SLAMF6: variants seen among roughly 807,000 people sequenced by gnomAD.
The protein encoded by SLAMF6 is NK-T-B-antigen.
In SLAMF6, 21 loss-of-function variants were observed where a neutral mutation model predicts 38.3. That is an observed-to-expected ratio of 0.55 (90% CI 0.39 to 0.79). The LOEUF (loss-of-function observed/expected upper bound fraction) is 0.79. Ranked by LOEUF, SLAMF6 falls within the 30% of genes least tolerant of loss-of-function variation. SLAMF6 has a pLI of 0.00. For missense variants in SLAMF6, 341 were observed against 385.3 expected (o/e 0.89, Z 0.96); for synonymous variants, 152 against 146.3 (o/e 1.04, Z -0.28).
intron 1 of SLAMF6, among the ~76,000 whole-genome samples, chr1:160,515,754 C>A (rs1336745536): frequency 1.3e-5 from 2 of 152,132 alleles, no homozygotes; most frequent in Non-Finnish European, 2.9e-5. Context: ...AAGACAAAAA[C>A]CACAGATTAT....
At chr1:160,505,969 CAGAAA>C (rs1226077010) in intron 1 of SLAMF6, among the ~76,000 whole-genome samples, 2 of 151,858 alleles carry the variant, frequency 1.3e-5, no homozygotes, top group South Asian at 2.1e-4. Context: ...GTTTGAGGAT[CAGAAA>C]AGAAAAGAGT....
intron 6 of SLAMF6, among the ~76,000 whole-genome samples, chr1:160,487,463 C>T (rs767262456): frequency 1.3e-5 from 2 of 152,158 alleles, no homozygotes; most frequent in Non-Finnish European, 2.9e-5. Flanking sequence ...GTATTCTTGT[C>T]CTTTGTCCAG....
At chr1:160,503,951 G>T (rs571638568) in intron 1 of SLAMF6, among the ~76,000 whole-genome samples, 1 of 148,938 alleles carries the variant, frequency 6.7e-6, no homozygotes, top group African/African-American at 2.5e-5. Context: ...CTGGGAGGCA[G>T]AGGTTGCAGT....
chr1:160,503,504 A>C (rs2102042076), intron 1 of SLAMF6, among the ~76,000 whole-genome samples: 1 of 152,266 alleles, frequency 6.6e-6, no homozygotes, highest in South Asian at 2.1e-4. Context: ...CAGGGAAAGA[A>C]GGTGCTGGGG....
intron 1 of SLAMF6, among the ~76,000 whole-genome samples, chr1:160,503,392 T>C (rs1654015181): frequency 6.6e-6 from 1 of 151,936 alleles, no homozygotes; most frequent in Non-Finnish European, 1.5e-5. Flanking sequence ...GGTGCGAAAG[T>C]GATTGCGGAT....
chr1:160,506,052 TA>T (rs1279856685), intron 1 of SLAMF6, among the ~76,000 whole-genome samples: 3 of 151,968 alleles, frequency 2.0e-5, no homozygotes, highest in African/African-American at 7.2e-5. Context: ...ATAAGCATAA[TA>T]GGAGTCCAAG....
chr1:160,502,631 T>A (rs1332417872), intron 1 of SLAMF6, among the ~76,000 whole-genome samples: 1 of 152,140 alleles, frequency 6.6e-6, no homozygotes, highest in African/African-American at 2.4e-5. Context: ...GAAGTATTTT[T>A]GAAAATTGGC....
intron 5 of SLAMF6, 72 bp from the exon 6 acceptor site, chr1:160,489,242 C>G: frequency 6.9e-7 from 1 of 1,450,688 alleles, no homozygotes; most frequent in Non-Finnish European, 9.7e-7. Context: ...TCTCCCTCCC[C>G]AGAGCACACT....
chr1:160,505,364 G>A (rs1187783920), intron 1 of SLAMF6, among the ~76,000 whole-genome samples: 1 of 152,190 alleles, frequency 6.6e-6, no homozygotes, highest in Non-Finnish European at 1.5e-5. Context: ...TTGTCCCTAA[G>A]GAAGGACAGA....
At chr1:160,519,621 A>G (rs1402979725) in intron 1 of SLAMF6, among the ~76,000 whole-genome samples, 3 of 152,220 alleles carry the variant, frequency 2.0e-5, no homozygotes, top group African/African-American at 7.2e-5. Flanking sequence ...CCAAAAAGGA[A>G]TGAAGTACTG....
intron 1 of SLAMF6, among the ~76,000 whole-genome samples, chr1:160,505,651 C>T (rs1654145405): frequency 6.6e-6 from 1 of 152,134 alleles, no homozygotes; most frequent in African/African-American, 2.4e-5. Flanking sequence ...ATTTACCTGC[C>T]TCGGCCCCCA....
chr1:160,518,108 G>GT (rs1442425187), intron 1 of SLAMF6, among the ~76,000 whole-genome samples: 1 of 151,128 alleles, frequency 6.6e-6, no homozygotes, highest in African/African-American at 2.4e-5. Flanking sequence ...CTCTTCAGGT[G>GT]TTAAAAAAAA....
At chr1:160,501,092 G>T (rs1205470180) in intron 1 of SLAMF6, among the ~76,000 whole-genome samples, 1 of 152,132 alleles carries the variant, frequency 6.6e-6, no homozygotes, top group Non-Finnish European at 1.5e-5. Flanking sequence ...TTATTTATTT[G>T]TTTGTTTGTT....
At chr1:160,518,440 A>G (rs1654842505) in intron 1 of SLAMF6, among the ~76,000 whole-genome samples, 2 of 152,166 alleles carry the variant, frequency 1.3e-5, no homozygotes, top group South Asian at 4.1e-4. Context: ...CATTGTTATA[A>G]AGATATGTGT....
chr1:160,490,775 T>A lies in SLAMF6; in HGVS notation c.647-90A>T. On this transcript the variant is annotated intron_variant, in intron 3 of 7. Coordinates refer to ENST00000368057, the MANE Select transcript of SLAMF6 (RefSeq NM_001184714.2). ...TCCGTGGAGCCTCTTCTAGGCCATCTTTGGGGACTAGGTAAGTTTGTCTAT... is the reference window on the plus strand; with the variant it reads ...TCCGTGGAGCCTCTTCTAGGCCATCATTGGGGACTAGGTAAGTTTGTCTAT... The A allele has an allele frequency of 2.6e-6, 4 of 1,521,528 alleles. No individual in the cohort carries two copies. In the South Asian group the frequency reaches 5.3e-5, roughly 20 times the overall value. The allele number at this position is 1,521,528 out of a possible 1,614,324, so 94.3% of individuals were successfully genotyped here. A position where few individuals can be genotyped will look rare whatever the true frequency, so the allele number is the denominator to read the frequency against.
chr1:160,504,485 C>T (rs969637033), intron 1 of SLAMF6, among the ~76,000 whole-genome samples: 24 of 152,094 alleles, frequency 1.6e-4, no homozygotes, highest in African/African-American at 4.8e-4. Context: ...TGAAGACAGC[C>T]GTCTACATTT....
At chr1:160,489,290 T>C in intron 5 of SLAMF6, 120 bp from the exon 6 acceptor site, 1 of 874,386 alleles carries the variant, frequency 1.1e-6, no homozygotes. Context: ...GCATCTCCTT[T>C]CCTGAGGGAT....
chr1:160,507,290 C>CA (rs1463361616), intron 1 of SLAMF6, among the ~76,000 whole-genome samples: 1 of 151,334 alleles, frequency 6.6e-6, no homozygotes, highest in African/African-American at 2.4e-5. Flanking sequence ...TTAGTAGAGG[C>CA]AAAAAAGGAC....
Position 160,489,183 on chromosome 1 carries a change from GA to G in SLAMF6, c.797-14del. 6.2e-7 allele frequency: 1 copy of G among 1,613,686 alleles called. No individual in the cohort carries two copies. Among genetic ancestry groups the G allele is most frequent in the Non-Finnish European group, 8.5e-7 (1 of 1,179,734 alleles). On this transcript the variant is annotated splice_polypyrimidine_tract_variant and intron_variant, in intron 5 of 7. Transcript: ENST00000368057. ...CTTGCGGACTCTGCTGTTAACATAG[GA>G]AGGCACAGTCAATGGCACAAGGACT... is the stretch of plus-strand genomic sequence containing the variant.
Sources: gnomAD v4.1 joint callset for allele counts (sites outside exome capture counted in the v4.1 genomes callset) on GRCh38, gnomAD v4.1.1 for gene constraint, MANE v1.5 for transcripts, NCBI Gene and HGNC (gene_info 2026-07-23, HGNC 2026-07-21) for gene names.